Variants in GABPA observed in about 807,000 individuals in gnomAD.
The protein encoded by GABPA is GA binding protein transcription factor subunit alpha, also known as GA-binding protein alpha chain.
Under a neutral mutation model 59.4 loss-of-function variants are expected in GABPA, and 4 were observed. The ratio of observed to expected loss-of-function variants is 0.07; its 90% CI spans 0.03 to 0.15. The LOEUF is 0.15. Among genes scored for constraint, GABPA ranks in the 10% least tolerant of loss-of-function variants. The pLI, the probability that GABPA is intolerant of heterozygous loss-of-function variation, is 1.00. For synonymous variants in GABPA, 164 were observed against 183.1 expected, an observed-to-expected ratio of 0.90 and a Z score of 0.84; for missense variants, 251 against 543.8, an observed-to-expected ratio of 0.46 and a Z score of 5.36.
chr21:25,755,822 A>G (rs781313961), intron 5 of GABPA, among the ~76,000 whole-genome samples: 2 of 152,194 alleles, frequency 1.3e-5, no homozygotes, highest in Non-Finnish European at 2.9e-5. Context: ...CCTTATTTTC[A>G]GCTTTAAGCC....
intron 7 of GABPA, chr21:25,763,002 C>T (rs918257147): frequency 3.9e-5 from 15 of 386,734 alleles, no homozygotes; most frequent in Middle Eastern, 2.1e-3. Flanking sequence ...TCTTTTCTCT[C>T]GCTTTGCCTT....
chr21:25,757,849 AT>A (rs60518912), intron 5 of GABPA, among the ~76,000 whole-genome samples, 160 bp from the exon 6 acceptor site: 19,858 of 108,650 alleles, frequency 0.18, 1,170 homozygotes, highest in East Asian at 0.29. Flanking sequence ...TTACAGCATA[AT>A]TTTTTTTTTT....
At chr21:25,767,671 T>G (rs965915099) in intron 9 of GABPA, among the ~76,000 whole-genome samples, 12 of 152,230 alleles carry the variant, frequency 7.9e-5, no homozygotes, top group African/African-American at 2.6e-4. Flanking sequence ...AGAAATTTTT[T>G]AAAGCAATTG....
chr21:25,738,103 GAT>G (rs1268976462), intron 1 of GABPA, among the ~76,000 whole-genome samples: 1 of 152,148 alleles, frequency 6.6e-6, no homozygotes, highest in Non-Finnish European at 1.5e-5. Flanking sequence ...GAGTATGCTT[GAT>G]ATACTTTTCT....
intron 2 of GABPA, 139 bp from the exon 3 acceptor site, chr21:25,745,071 C>A: frequency 2.7e-6 from 2 of 751,542 alleles, no homozygotes; most frequent in South Asian, 1.8e-5. Flanking sequence ...GGTGATGAGC[C>A]TGCCACAGTA....
At chr21:25,763,806 T>A (rs753302847) in intron 7 of GABPA, among the ~76,000 whole-genome samples, 1 of 152,158 alleles carries the variant, frequency 6.6e-6, no homozygotes, top group Non-Finnish European at 1.5e-5. Flanking sequence ...TTCTATCCTT[T>A]CAGCCTTACT....
chr21:25,764,369 G>A lies in GABPA; in HGVS notation c.943+19G>A. 6.3e-7 allele frequency: 1 copy of A among 1,579,688 alleles called. No individual in the cohort carries two copies. The highest frequency in any genetic ancestry group is 8.6e-7 in the Non-Finnish European group (1 of 1,163,976). ...AGAACAGGTATTTTTGTATTTTCTTGTATTTATAAAATATATCTATCTAAT... is the reference window on the plus strand; with the variant it reads ...AGAACAGGTATTTTTGTATTTTCTTATATTTATAAAATATATCTATCTAAT... On this transcript the variant is annotated intron_variant, in intron 8 of 9. Transcript: ENST00000400075.
intron 3 of GABPA, among the ~76,000 whole-genome samples, chr21:25,748,194 C>T (rs2035416559): frequency 6.6e-6 from 1 of 152,222 alleles, no homozygotes. Flanking sequence ...GTGTGAGCCA[C>T]CATGCCCAGC....
intron 9 of GABPA, among the ~76,000 whole-genome samples, chr21:25,767,345 A>G (rs944274549): frequency 3.3e-5 from 5 of 152,002 alleles, no homozygotes; most frequent in South Asian, 4.1e-4. Flanking sequence ...TTTGCAATTA[A>G]AAAGTTTAAA....
chr21:25,752,460 G>GGT (rs1381169000), intron 5 of GABPA: 1 of 503,948 alleles, frequency 2.0e-6, no homozygotes, highest in Non-Finnish European at 3.6e-6. Context: ...CTGCTCTTAG[G>GGT]GTGTTGAGAG....
intron 3 of GABPA, among the ~76,000 whole-genome samples, chr21:25,746,927 C>T (rs1355274021): frequency 6.6e-6 from 1 of 152,088 alleles, no homozygotes; most frequent in Non-Finnish European, 1.5e-5. Flanking sequence ...GAATAGAATT[C>T]GAGGTAGCCA....
intron 5 of GABPA, among the ~76,000 whole-genome samples, chr21:25,755,341 T>G (rs1480314152): frequency 6.8e-6 from 1 of 147,484 alleles, no homozygotes; most frequent in Non-Finnish European, 1.5e-5. Context: ...GAGGCTAAGC[T>G]GGGAAAATTG....
At chr21:25,759,045 G>A (rs925076953) in intron 6 of GABPA, among the ~76,000 whole-genome samples, 3 of 152,050 alleles carry the variant, frequency 2.0e-5, no homozygotes, top group Non-Finnish European at 4.4e-5. Context: ...ACTCCAGCAT[G>A]GTGACAGAGC....
At chr21:25,764,052 ATTT>A (rs2035830242) in intron 7 of GABPA, among the ~76,000 whole-genome samples, 155 bp from the exon 8 acceptor site, 1 of 152,002 alleles carries the variant, frequency 6.6e-6, no homozygotes, top group Non-Finnish European at 1.5e-5. Context: ...CTTTTTTGTT[ATTT>A]TGTTTGAAAT....
intron 5 of GABPA, among the ~76,000 whole-genome samples, chr21:25,753,755 C>G (rs2035569149): frequency 6.6e-6 from 1 of 152,158 alleles, no homozygotes; most frequent in Non-Finnish European, 1.5e-5. Flanking sequence ...TAATACTGAT[C>G]TTCCAAGAGT....
At chr21:25,764,371 A>G (rs1169926375) in intron 8 of GABPA, 21 bp downstream of exon 8, 24 of 1,573,258 alleles carry the variant, frequency 1.5e-5, no homozygotes, top group Non-Finnish European at 1.9e-5. Context: ...ATTTTCTTGT[A>G]TTTATAAAAT....
In GABPA at chr21:25,751,857, G is replaced by T. The variant is rs1601128710; in HGVS notation, c.308-132G>T. The T allele has an allele frequency of 1.1e-5, 10 of 878,746 alleles. No homozygotes were observed. In the East Asian group the frequency reaches 2.7e-4, roughly 23 times the overall value. The allele number at this position is 878,746 out of a possible 1,614,324, so 54.4% of individuals were successfully genotyped here. A position where few individuals can be genotyped will look rare whatever the true frequency, so the allele number is the denominator to read the frequency against. ...TATCCTTCACCCAGATTCCCCAAAT[G>T]TTAACTTTTACTACATTTGCTTTAT... On this transcript the variant is annotated intron_variant, in intron 4 of 9. Coordinates refer to ENST00000400075, the MANE Select transcript of GABPA (RefSeq NM_002040.4).
intron 9 of GABPA, 147 bp downstream of exon 9, chr21:25,764,934 A>T (rs945753511): frequency 1.1e-5 from 6 of 552,526 alleles, no homozygotes; most frequent in Middle Eastern, 5.0e-4. Flanking sequence ...AAACCTTTTT[A>T]AAAAGATCTT....
In GABPA at chr21:25,771,265, T is replaced by C. The variant is rs2036004112; in HGVS notation, c.*2033T>C. On this transcript the variant is annotated 3_prime_UTR_variant, in exon 10 of 10. Coordinates refer to ENST00000400075, the MANE Select transcript of GABPA (RefSeq NM_002040.4). ...CATGTCTCAATTATATATGTGTGTG[T>C]ATGTTTTTAAAGCTAAAAACATTAC... The C allele has an allele frequency of 6.6e-6, 1 of 152,056 alleles. No individual in the cohort carries two copies. Among genetic ancestry groups the C allele is most frequent in the Non-Finnish European group, 1.5e-5 (1 of 67,886 alleles). 9.4% of individuals were successfully genotyped at this position (152,056 alleles called of 1,614,324 possible).
Sources: allele counts gnomAD v4.1 joint callset (sites outside exome capture counted in the v4.1 genomes callset), GRCh38; gene constraint gnomAD v4.1.1; transcripts MANE v1.5; gene names NCBI Gene and HGNC (gene_info 2026-07-23, HGNC 2026-07-21).